The following AGAP4 variants were observed in gnomAD, a reference collection of about 807,000 sequenced individuals.
The protein encoded by AGAP4 is ArfGAP with GTPase domain, ankyrin repeat and PH domain 4, also known as arf-GAP with GTPase, ANK repeat and PH domain-containing protein 4.
AGAP4 carries 13 observed loss-of-function variants against 60.7 expected under a neutral mutation model. The ratio of observed to expected loss-of-function variants is 0.21; its 90% CI spans 0.14 to 0.34. The LOEUF is 0.34. Ranked by LOEUF, AGAP4 falls within the 10% of genes least tolerant of loss-of-function variation. AGAP4 has a pLI of 1.00. For missense variants in AGAP4, 169 were observed against 884.0 expected (o/e 0.19, Z 10.26); for synonymous variants, 70 against 339.0 (o/e 0.21, Z 8.72).
At chr10:45,838,774 C>T (rs1458419644) in intron 4 of AGAP4, among the ~76,000 whole-genome samples, 1 of 151,598 alleles carries the variant, frequency 6.6e-6, no homozygotes, top group Non-Finnish European at 1.5e-5. Flanking sequence ...TGAGGACTTG[C>T]GATGTTGACC....
chr10:45,849,306 C>T (rs1377414938), upstream of AGAP4, among the ~76,000 whole-genome samples: 12 of 151,616 alleles, frequency 7.9e-5, no homozygotes, highest in Admixed American at 1.3e-4. Flanking sequence ...GGATAACTGC[C>T]CCCGTGATCC....
At chr10:45,832,003 A>G (rs74996650) in intron 5 of AGAP4, among the ~76,000 whole-genome samples, 62,400 of 130,530 alleles carry the variant, frequency 0.48, 15,449 homozygotes, top group South Asian at 0.65. Flanking sequence ...TCTGCCTCCC[A>G]GGTTCAAGAG....
intron 2 of AGAP4, chr10:45,844,625 T>C (rs1391640116): frequency 1.8e-5 from 8 of 437,810 alleles, no homozygotes; most frequent in Non-Finnish European, 2.4e-5. Context: ...GTCAGGAAGT[T>C]GAGGCCAGCA....
chr10:45,850,081 C>A (rs1220505527), upstream of AGAP4, among the ~76,000 whole-genome samples: 5,066 of 151,508 alleles, frequency 0.033, 197 homozygotes, highest in African/African-American at 0.12. Context: ...AGGAGCCCAA[C>A]CCCATGCTCA....
At chr10:45,848,961 C>T (rs1289313820), upstream of AGAP4, 1 of 150,558 alleles carries the variant, frequency 6.6e-6, no homozygotes, top group African/African-American at 2.4e-5. Flanking sequence ...CACGGTGGCT[C>T]ACACTTGTAA....
chr10:45,826,887 T>G lies in AGAP4; in HGVS notation c.1089A>C (p.Leu363=). 3 of 1,271,320 alleles carry G rather than the reference T, an allele frequency of 2.4e-6. 1 individual carries two copies. Among genetic ancestry groups the G allele is most frequent in the Non-Finnish European group, 3.3e-6 (3 of 921,738 alleles). The allele number at this position is 1,271,320 out of a possible 1,614,324, so 78.8% of individuals were successfully genotyped here. A position where few individuals can be genotyped will look rare whatever the true frequency, so the allele number is the denominator to read the frequency against. Reference sequence around the variant, plus strand: ...CCAGCCCGGTGTCCATGTCCTTGGATAGGCCATTGCTTTTAGAGGTGGAGA... The same window carrying G: ...CCAGCCCGGTGTCCATGTCCTTGGAGAGGCCATTGCTTTTAGAGGTGGAGA... ...TPISTSKSNG[L]SKDMDTGLGD... is the part of the protein sequence containing the mutation. The change falls in exon 8 of 8, where the codon CTA becomes CTC. Residue 363 remains leucine, a synonymous_variant. Coordinates refer to ENST00000616763, the MANE Select transcript of AGAP4 (RefSeq NM_001276343.3).
At chr10:45,838,208 A>G (rs1481016151) in intron 4 of AGAP4, among the ~76,000 whole-genome samples, 10 of 149,186 alleles carry the variant, frequency 6.7e-5, no homozygotes, top group Non-Finnish European at 1.2e-4. Context: ...AAAACCAAAT[A>G]TCATGTTCTC....
chr10:45,853,621 A>C (rs2059109573), intron 1 of AGAP4: 1 of 1,285,490 alleles, frequency 7.8e-7, no homozygotes, highest in Non-Finnish European at 1.0e-6. Context: ...AAGGGAGTAA[A>C]AAAACACAGC....
intron 1 of AGAP4, chr10:45,853,604 A>G: frequency 7.8e-7 from 1 of 1,281,674 alleles, no homozygotes; most frequent in Non-Finnish European, 1.0e-6. Context: ...ACACACAGGC[A>G]GCGATAAAGG....
intron 6 of AGAP4, among the ~76,000 whole-genome samples, chr10:45,829,764 G>T (rs4043080): frequency 0.12 from 10,420 of 86,266 alleles, 43 homozygotes; most frequent in Non-Finnish European, 0.16. Context: ...ATACGTATTT[G>T]TTCCCAATGA....
At position 45,839,626 on chromosome 10, in the gene AGAP4, G is replaced by C. The variant is rs1325939870; in HGVS notation, c.396+2027C>G. ...AAGAAACTGAAATGTCTTCAAAAAA[G>C]ATCCCCAGATAATACACTGAGGTCT... On this transcript the variant is annotated intron_variant, in intron 4 of 7. Coordinates refer to ENST00000616763, the MANE Select transcript of AGAP4 (RefSeq NM_001276343.3). Among the ~76,000 whole-genome samples the C allele has an allele frequency of 1.1e-4, 13 of 113,340 alleles. 3 individuals carry two copies. The highest frequency in any genetic ancestry group is 8.2e-4 in the Admixed American group (10 of 12,256). The allele number at this position is 113,340 out of a possible 152,430, so 74.4% of individuals were successfully genotyped here.
rs1373025033 is a variant in AGAP4, at chr10:45,827,251, G to T, written c.725C>A (p.Pro242His). 7.6e-4 allele frequency: 1,191 copies of T among 1,563,844 alleles called. 30 individuals are homozygous for T. The African/African-American group carries it at 0.017, about 23-fold the overall frequency. The part of the protein sequence containing the change: ...SVPPTANTPT[P>H]VCKRSMRWSN... ...CCAGCGCATGGACCGCTTGCAAACG[G>T]GGGTGGGTGTGTTGGCAGTGGGAGG... The change falls in exon 8 of 8, where the codon CCC becomes CAC. Residue 242 changes from proline to histidine, a missense_variant. Pro to His is a moderately conservative substitution (Grantham distance 77). Transcript: ENST00000616763.
At chr10:45,831,741 GTATT>G (rs1389003810) in intron 5 of AGAP4, among the ~76,000 whole-genome samples, 6 of 110,476 alleles carry the variant, frequency 5.4e-5, no homozygotes, top group Non-Finnish European at 1.1e-4. Context: ...TTTATTTTAT[GTATT>G]TATTTATTTT....
chr10:45,834,850 T>C (rs1203819941), intron 4 of AGAP4, among the ~76,000 whole-genome samples: 3 of 146,454 alleles, frequency 2.0e-5, no homozygotes, highest in Non-Finnish European at 2.9e-5. Flanking sequence ...CTCGGCTCAC[T>C]GCAAGCTCCG....
At chr10:45,844,665 TAAA>T (rs1299137211) in intron 2 of AGAP4, among the ~76,000 whole-genome samples, 10 of 91,254 alleles carry the variant, frequency 1.1e-4, no homozygotes, top group African/African-American at 8.6e-5. Flanking sequence ...CTCCTTTATT[TAAA>T]AAAAAAAAAA....
Position 45,843,296 on chromosome 10 carries a change from CAAAA to C in AGAP4, c.361+1026_361+1029del, listed in dbSNP as rs1159354399. 1.6e-3 allele frequency among the ~76,000 whole-genome samples: 3 copies of C among 1,898 alleles called. 1 individual carries two copies. Among genetic ancestry groups the C allele is most frequent in the Non-Finnish European group, 3.6e-3 (1 of 276 alleles). The allele number at this position is 1,898 out of a possible 152,430, so 1.2% of individuals were successfully genotyped here. On this transcript the variant is annotated intron_variant, in intron 3 of 7. Transcript: ENST00000616763. ...TGGGCAACAGAGTGAGACTCCATTT[CAAAA>C]AAAAAAAAAAAGAGTGTGGTACCTT... is the stretch of plus-strand genomic sequence containing the variant.
intron 6 of AGAP4, among the ~76,000 whole-genome samples, chr10:45,828,552 C>G (rs2058681102): frequency 6.8e-6 from 1 of 147,864 alleles, no homozygotes; most frequent in Non-Finnish European, 1.5e-5. Flanking sequence ...AGACGCCAGT[C>G]TTTGATGAAC....
intron 1 of AGAP4, chr10:45,853,567 C>A (rs2059109089): frequency 8.0e-7 from 1 of 1,248,230 alleles, no homozygotes; most frequent in Non-Finnish European, 1.0e-6. Context: ...GAGGTCTTCA[C>A]ACTATCAATT....
At chr10:45,838,798 A>G (rs1440434898) in intron 4 of AGAP4, among the ~76,000 whole-genome samples, 6 of 151,788 alleles carry the variant, frequency 4.0e-5, no homozygotes, top group African/African-American at 1.5e-4. Context: ...CTAAAAATGA[A>G]CAAATCTTAA....
Sources: allele counts gnomAD v4.1 joint callset (sites outside exome capture counted in the v4.1 genomes callset), GRCh38; gene constraint gnomAD v4.1.1; transcripts MANE v1.5; gene names NCBI Gene and HGNC (gene_info 2026-07-23, HGNC 2026-07-21).